Variants in BAP1 observed in about 807,000 individuals in gnomAD.
BAP1 encodes ubiquitin carboxyl-terminal hydrolase BAP1.
Under a neutral mutation model 77.2 loss-of-function variants are expected in BAP1, and 16 were observed. The observed-to-expected ratio is 0.21, with a 90% CI of 0.14 to 0.31. BAP1 has a LOEUF of 0.31. Ranked by LOEUF, BAP1 falls within the 10% of genes least tolerant of loss-of-function variation. BAP1 has a pLI of 1.00. For synonymous variants in BAP1, 362 were observed against 385.2 expected (o/e 0.94, Z 0.71); for missense variants, 699 against 967.3 (o/e 0.72, Z 3.68).
rs1704980796 is a variant in BAP1 at position 52,402,296 on chromosome 3, G to A, written c.2182C>T (p.Arg728Cys). ...RKRSRPYKAK[R>C]Q ...GTCAGGGCCAGCAGTCCTCACTGGCGCTTGGCCTTGTAGGGGCGAGAGCGT... is the reference window on the plus strand; with the variant it reads ...GTCAGGGCCAGCAGTCCTCACTGGCACTTGGCCTTGTAGGGGCGAGAGCGT... Residue 728 changes from arginine (R) to cysteine (C), a missense_variant, in exon 17 of 17, where the codon CGC (arginine) becomes TGC (cysteine). Physicochemically the swap from Arg to Cys is radical, Grantham distance 180. Transcript: ENST00000460680. The surrounding 1 kb of genome is among the most constrained non-coding windows in gnomAD (Gnocchi z 5.3). 1.9e-6 allele frequency: 3 copies of A among 1,600,140 alleles called. No individual in the cohort carries two copies. The highest frequency in any genetic ancestry group is 1.3e-5 in the African/African-American group (1 of 74,860).
chr3:52,407,155 T>A lies in BAP1; in HGVS notation c.580+19A>T. 6.2e-7 allele frequency: 1 copy of A among 1,613,384 alleles called. No homozygotes were observed. The highest frequency in any genetic ancestry group is 8.5e-7 in the Non-Finnish European group (1 of 1,179,998). Reference sequence around the variant, plus strand: ...GGTAGGCAGAGACACCCAACAGGCCTCCAGCTCATGGTGCCTACCATGGTC... The same window carrying A: ...GGTAGGCAGAGACACCCAACAGGCCACCAGCTCATGGTGCCTACCATGGTC... On this transcript the variant is annotated intron_variant, in intron 7 of 16. Coordinates refer to ENST00000460680, the MANE Select transcript of BAP1 (RefSeq NM_004656.4).
At chr3:52,407,827 G>T in intron 5 of BAP1, 131 bp downstream of exon 5, 1 of 1,432,664 alleles carries the variant, frequency 7.0e-7, no homozygotes, top group Non-Finnish European at 9.6e-7. Flanking sequence ...AGAGTCAAAT[G>T]TAACATAAAC....
rs1283986486 is a variant in BAP1, at chr3:52,406,470, C to G, written c.660-94G>C. 3 of 1,574,078 alleles carry G rather than the reference C, an allele frequency of 1.9e-6. 1 individual carries two copies. The South Asian group carries it at 3.4e-5, about 18-fold the overall frequency. ...CCTGGCAGGGCTCCCTGCAGTCACA[C>G]CTGCAGCTGTAGGTATAGGCCCCAC... On this transcript the variant is annotated intron_variant, in intron 8 of 16. Coordinates refer to ENST00000460680, the MANE Select transcript of BAP1 (RefSeq NM_004656.4). The surrounding 1 kb of genome is among the most constrained non-coding windows in gnomAD (Gnocchi z 4.6).
chr3:52,402,789 T>C lies in BAP1; in HGVS notation c.1973A>G (p.Lys658Arg), dbSNP rs372282516. 3 of 1,614,140 alleles carry C rather than the reference T, an allele frequency of 1.9e-6. No homozygotes were observed. The highest frequency in any genetic ancestry group is 2.5e-6 in the Non-Finnish European group (3 of 1,180,052). Residue 658 changes from lysine (K) to arginine (R), a missense_variant, in exon 15 of 17, where the codon AAG (lysine) becomes AGG (arginine). Physicochemically the swap from Lys to Arg is conservative, Grantham distance 26 (BLOSUM62 2). Around this residue, in one of 3 missense-constraint regions of BAP1, gnomAD observed 64 missense variants for 112.1 expected, o/e 0.57. Transcript: ENST00000460680. This position sits in a 1 kb window ranked among gnomAD's most constrained non-coding sequence, Gnocchi z 5.3. ...GGAGAAATCACCCACCTTGAACTTC[T>C]TCCTCTTCTCTACCTCCTCCTTGAG... ...ACLKEEVEKR[K>R]KFKIDDQRRT... is the part of the protein sequence containing the mutation.
chr3:52,402,242 A>C lies in BAP1; in HGVS notation c.*46T>G. The C allele has an allele frequency of 1.3e-6, 2 of 1,589,194 alleles. No individual in the cohort carries two copies. Among genetic ancestry groups the C allele is most frequent in the Non-Finnish European group, 1.7e-6 (2 of 1,170,178 alleles). On this transcript the variant is annotated 3_prime_UTR_variant, in exon 17 of 17. Coordinates refer to ENST00000460680, the MANE Select transcript of BAP1 (RefSeq NM_004656.4). The surrounding 1 kb of genome is among the most constrained non-coding windows in gnomAD (Gnocchi z 5.3). ...AGTGGGGCAGGGAAGGACCCTGGTG[A>C]GGGCCACACGGCAAGAGTGGGCTGC...
intron 3 of BAP1, among the ~76,000 whole-genome samples, chr3:52,408,824 G>C (rs1297896096): frequency 6.6e-6 from 1 of 152,228 alleles, no homozygotes. Flanking sequence ...ATAAGCCTCT[G>C]ACTGTGATGC....
In BAP1 at chr3:52,406,459, C is replaced by G; in HGVS notation, c.660-83G>C. 1 of 1,593,630 alleles carries G rather than the reference C, an allele frequency of 6.3e-7. No individual in the cohort carries two copies. ...GAGGCAGATATCCTGGCAGGGCTCC[C>G]TGCAGTCACACCTGCAGCTGTAGGT... is the stretch of plus-strand genomic sequence containing the variant. On this transcript the variant is annotated intron_variant, in intron 8 of 16. Transcript: ENST00000460680. This position sits in a 1 kb window ranked among gnomAD's most constrained non-coding sequence, Gnocchi z 4.6.
chr3:52,408,222 TATTC>T, intron 4 of BAP1, 145 bp from the exon 5 acceptor site: 2 of 1,421,404 alleles, frequency 1.4e-6, no homozygotes, highest in Non-Finnish European at 1.9e-6. Flanking sequence ...GCCTAATGTT[TATTC>T]ATTTAACAAG....
rs1705204446 is a variant in BAP1, at chr3:52,407,477, A to T, written c.376-17T>A. 1 of 1,614,028 alleles carries T rather than the reference A, an allele frequency of 6.2e-7. No individual in the cohort carries two copies. The highest frequency in any genetic ancestry group is 8.5e-7 in the Non-Finnish European group (1 of 1,180,032). On this transcript the variant is annotated splice_polypyrimidine_tract_variant and intron_variant, in intron 5 of 16. Coordinates refer to ENST00000460680, the MANE Select transcript of BAP1 (RefSeq NM_004656.4). Reference sequence around the variant, plus strand: ...TCCTTTGCTCTACGGGGAAGAAAATAAGGCCGTATCAGAATAATTTCTCCT... The same window carrying T: ...TCCTTTGCTCTACGGGGAAGAAAATTAGGCCGTATCAGAATAATTTCTCCT...
Position 52,405,213 on chromosome 3 carries a change from G to A in BAP1, c.1013C>T (p.Pro338Leu), listed in dbSNP as rs2153227045. The A allele has an allele frequency of 1.2e-6, 2 of 1,614,140 alleles. No homozygotes were observed. The highest frequency in any genetic ancestry group is 1.1e-5 in the South Asian group (1 of 91,092). The change falls in exon 11 of 17, where the codon CCT becomes CTT. Residue 338 changes from proline to leucine, a missense_variant. Coordinates refer to ENST00000460680, the MANE Select transcript of BAP1 (RefSeq NM_004656.4). ...AACCCCATTGAGGCTGCTGCCTGGA[G>A]GCTTCACCACTAGCTTGGGTTTGTT... The part of the protein sequence containing the change: ...PPNKPKLVVK[P>L]PGSSLNGVHP...
In BAP1 at chr3:52,404,562, C is replaced by A; in HGVS notation, c.1141G>T (p.Val381Leu). ...MQEEEDLAAG[V>L]GRSRVPVRPP... Reference sequence around the variant, plus strand: ...CGGACTGGAACTCGGCTGCGGCCCACACCTGCCGCCAGGTCTTCTTCCTCC... The same window carrying A: ...CGGACTGGAACTCGGCTGCGGCCCAAACCTGCCGCCAGGTCTTCTTCCTCC... Residue 381 changes from valine to leucine, a missense_variant, in exon 12 of 17, where the codon GTG becomes TTG. This residue lies in a region of BAP1 where 475 missense variants were observed against 532.4 expected (regional missense o/e 0.89). Coordinates refer to ENST00000460680, the MANE Select transcript of BAP1 (RefSeq NM_004656.4). 1 of 1,613,324 alleles carries A rather than the reference C, an allele frequency of 6.2e-7. No individual in the cohort carries two copies. The highest frequency in any genetic ancestry group is 8.5e-7 in the Non-Finnish European group (1 of 1,179,832).
At chr3:52,408,107 C>T (rs1405016097) in intron 4 of BAP1, 30 bp from the exon 5 acceptor site, 2 of 1,580,580 alleles carry the variant, frequency 1.3e-6, no homozygotes, top group African/African-American at 1.3e-5. Context: ...CACCCATACA[C>T]AGCACCCCTC....
At chr3:52,404,430 T>C (rs1191623740) in intron 12 of BAP1, 23 bp downstream of exon 12, 1 of 1,614,222 alleles carries the variant, frequency 6.2e-7, no homozygotes, top group Admixed American at 1.7e-5. Flanking sequence ...TAGAACCTGG[T>C]AGCCTTAGAA....
At position 52,401,669 on chromosome 3, in the gene BAP1, C is replaced by T. The variant is rs1704959598; in HGVS notation, c.*619G>A. ...CCTGCTCACCCCAACCCCACTGGGACACCCTACTCCCAACCCAGCCCAGTG... is the reference window on the plus strand; with the variant it reads ...CCTGCTCACCCCAACCCCACTGGGATACCCTACTCCCAACCCAGCCCAGTG... On this transcript the variant is annotated 3_prime_UTR_variant, in exon 17 of 17. Transcript: ENST00000460680. 8.4e-6 allele frequency: 2 copies of T among 237,802 alleles called. No individual in the cohort carries two copies. Among genetic ancestry groups the T allele is most frequent in the Non-Finnish European group, 1.7e-5 (2 of 120,742 alleles). 14.7% of individuals were successfully genotyped at this position (237,802 alleles called of 1,614,324 possible).
Position 52,403,333 on chromosome 3 carries a change from G to A in BAP1, c.1730-35C>T, listed in dbSNP as rs750655395. 72 of 1,612,784 alleles carry A rather than the reference G, an allele frequency of 4.5e-5. No homozygotes were observed. Among genetic ancestry groups the A allele is most frequent in the African/African-American group, 6.7e-5 (5 of 74,928 alleles). ...GAGGTCACAAGAAAATCATCAGAGT[G>A]CAGGACACTTTGTGGTCACTTGGCC... On this transcript the variant is annotated intron_variant, in intron 13 of 16. Coordinates refer to ENST00000460680, the MANE Select transcript of BAP1 (RefSeq NM_004656.4). The surrounding 1 kb of genome is among the most constrained non-coding windows in gnomAD (Gnocchi z 4.0).
chr3:52,405,185 G>C lies in BAP1; in HGVS notation c.1041C>G (p.His347Gln), dbSNP rs1553645289. ...KPPGSSLNGV[H>Q]PNPTPIVQRL... ...GCTGGACAATGGGAGTGGGGTTGGG[G>C]TGAACCCCATTGAGGCTGCTGCCTG... The change falls in exon 11 of 17, where the codon CAC becomes CAG. Residue 347 changes from histidine to glutamine, a missense_variant. His to Gln is a conservative substitution (Grantham distance 24, BLOSUM62 0). Coordinates refer to ENST00000460680, the MANE Select transcript of BAP1 (RefSeq NM_004656.4). 5 of 1,614,142 alleles carry C rather than the reference G, an allele frequency of 3.1e-6. No individual in the cohort carries two copies. The highest frequency in any genetic ancestry group is 4.2e-6 in the Non-Finnish European group (5 of 1,180,048).
In BAP1 at chr3:52,403,667, G is replaced by C; in HGVS notation, c.1478C>G (p.Thr493Arg). ...QPSPTPSNES[T>R]DTASEIGSAF... Reference sequence around the variant, plus strand: ...ACTGCCGATCTCAGAGGCCGTGTCTGTACTCTCATTGCTGGGGGTGGGTGA... The same window carrying C: ...ACTGCCGATCTCAGAGGCCGTGTCTCTACTCTCATTGCTGGGGGTGGGTGA... The change falls in exon 13 of 17, where the codon ACA (threonine) becomes AGA (arginine). Residue 493 changes from threonine to arginine, a missense_variant. Around this residue, in one of 3 missense-constraint regions of BAP1, gnomAD observed 475 missense variants for 532.4 expected, o/e 0.89. Transcript: ENST00000460680. The surrounding 1 kb of genome is among the most constrained non-coding windows in gnomAD (Gnocchi z 4.0). The C allele has an allele frequency of 6.2e-7, 1 of 1,613,904 alleles. No individual in the cohort carries two copies. Among genetic ancestry groups the C allele is most frequent in the Non-Finnish European group, 8.5e-7 (1 of 1,179,828 alleles).
rs1233834534 is a variant in BAP1 at position 52,405,140 on chromosome 3, G to A, written c.1086C>T (p.Asp362=). 3.7e-6 allele frequency: 6 copies of A among 1,614,032 alleles called. No individual in the cohort carries two copies. The highest frequency in any genetic ancestry group is 2.7e-5 in the African/African-American group (2 of 74,922). Reference sequence around the variant, plus strand: ...TGGGGGACTTGGCATAATTGTGATTGTCTAGAAAGGCCGGCAGCCGCTGGA... The same window carrying A: ...TGGGGGACTTGGCATAATTGTGATTATCTAGAAAGGCCGGCAGCCGCTGGA... ...PIVQRLPAFL[D]NHNYAKSPMQ... Residue 362 remains aspartate, a synonymous_variant, in exon 11 of 17, where the codon GAC becomes GAT. Transcript: ENST00000460680.
intron 12 of BAP1, among the ~76,000 whole-genome samples, chr3:52,404,240 G>A (rs372680738): frequency 6.6e-6 from 1 of 152,158 alleles, no homozygotes; most frequent in African/African-American, 2.4e-5. Context: ...AATAGGACAT[G>A]ATATAAGCTT....
Sources: allele counts gnomAD v4.1 joint callset (sites outside exome capture counted in the v4.1 genomes callset), GRCh38; gene constraint gnomAD v4.1.1; regional missense constraint gnomAD v4.1.1; non-coding constraint Gnocchi (gnomAD v3.1); transcripts MANE v1.5; gene names NCBI Gene and HGNC (gene_info 2026-07-23, HGNC 2026-07-21).